KLHL1: variants seen among roughly 807,000 people sequenced by gnomAD.
The protein encoded by KLHL1 is kelch-like protein 1.
A neutral mutation model predicts 77.7 loss-of-function variants in KLHL1; 47 were observed. The ratio of observed to expected loss-of-function variants is 0.60; its 90% CI spans 0.48 to 0.77. KLHL1 has a LOEUF of 0.77. Ranked by LOEUF, KLHL1 falls within the 30% of genes least tolerant of loss-of-function variation. KLHL1 has a pLI of 0.00. For synonymous variants in KLHL1, 360 were observed against 325.2 expected, an observed-to-expected ratio of 1.11 and a Z score of -1.15; for missense variants, 925 against 910.8, an observed-to-expected ratio of 1.02 and a Z score of -0.20.
chr13:70,015,593 A>G (rs1885638044), intron 1 of KLHL1, among the ~76,000 whole-genome samples: 1 of 152,182 alleles, frequency 6.6e-6, no homozygotes, highest in Admixed American at 6.5e-5. Flanking sequence ...TTTTTATTAT[A>G]GTATTCAATA....
intron 6 of KLHL1, among the ~76,000 whole-genome samples, chr13:69,798,956 G>T (rs1448450365): frequency 2.0e-5 from 3 of 152,056 alleles, no homozygotes; most frequent in Non-Finnish European, 4.4e-5. Context: ...GGGCATGGTG[G>T]CTCATGCCTG....
At chr13:69,846,799 T>C (rs893509379) in intron 5 of KLHL1, among the ~76,000 whole-genome samples, 1 of 151,364 alleles carries the variant, frequency 6.6e-6, no homozygotes, top group Non-Finnish European at 1.5e-5. Flanking sequence ...GTGTGCACAC[T>C]CTTCAAATTG....
intron 4 of KLHL1, among the ~76,000 whole-genome samples, chr13:69,889,979 TC>T (rs771660867): frequency 2.6e-5 from 4 of 152,042 alleles, no homozygotes; most frequent in Admixed American, 1.3e-4. Context: ...GATTATTCAG[TC>T]ATTCAAGCAA....
At chr13:69,894,734 G>C (rs1234081856) in intron 4 of KLHL1, 1 of 213,102 alleles carries the variant, frequency 4.7e-6, no homozygotes, top group East Asian at 1.3e-4. Flanking sequence ...GATCTCCTTA[G>C]AGGACTTGAT....
chr13:69,798,767 A>C (rs1299889137), intron 6 of KLHL1, among the ~76,000 whole-genome samples: 1 of 152,104 alleles, frequency 6.6e-6, no homozygotes, highest in East Asian at 1.9e-4. Context: ...ATAACTAAAA[A>C]TTAAGAGTTA....
At chr13:69,975,053 C>T (rs1884503151) in intron 2 of KLHL1, among the ~76,000 whole-genome samples, 1 of 151,884 alleles carries the variant, frequency 6.6e-6, no homozygotes, top group African/African-American at 2.4e-5. Flanking sequence ...AGAAATACAG[C>T]CATGTTTTTC....
intron 5 of KLHL1, among the ~76,000 whole-genome samples, chr13:69,872,117 A>G (rs1880609478): frequency 6.6e-6 from 1 of 152,168 alleles, no homozygotes; most frequent in African/African-American, 2.4e-5. Flanking sequence ...TGAAGTCTGC[A>G]CAAAAAGCAT....
At chr13:69,774,588 C>G (rs537830947) in intron 7 of KLHL1, among the ~76,000 whole-genome samples, 9 of 152,022 alleles carry the variant, frequency 5.9e-5, no homozygotes, top group African/African-American at 2.2e-4. Flanking sequence ...ATGATTAAAT[C>G]ACAAGTGTGG....
At chr13:69,783,668 G>A (rs1467482428) in intron 7 of KLHL1, among the ~76,000 whole-genome samples, 1 of 137,654 alleles carries the variant, frequency 7.3e-6, no homozygotes, top group Non-Finnish European at 1.6e-5. Context: ...AAGAAATATG[G>A]GACTATGTGA....
chr13:69,853,061 T>C (rs1265046200), intron 5 of KLHL1, among the ~76,000 whole-genome samples: 1 of 151,986 alleles, frequency 6.6e-6, no homozygotes, highest in Non-Finnish European at 1.5e-5. Context: ...TATTAGGCTG[T>C]GCTGAGAAAA....
chr13:69,723,657 C>T (rs1349965026), intron 8 of KLHL1, among the ~76,000 whole-genome samples: 1 of 152,054 alleles, frequency 6.6e-6, no homozygotes, highest in African/African-American at 2.4e-5. Flanking sequence ...CATTAAACCC[C>T]TCCAGCATTA....
intron 6 of KLHL1, among the ~76,000 whole-genome samples, chr13:69,804,011 T>C (rs1877504137): frequency 6.6e-6 from 1 of 152,190 alleles, no homozygotes. Flanking sequence ...AGGTAATAGA[T>C]GGCAGTTGTT....
At chr13:69,879,645 T>C (rs1880908810) in intron 5 of KLHL1, among the ~76,000 whole-genome samples, 1 of 152,190 alleles carries the variant, frequency 6.6e-6, no homozygotes, top group Non-Finnish European at 1.5e-5. Flanking sequence ...GCTTTGAAAG[T>C]CCATGTGCAA....
At chr13:69,853,432 C>T (rs1879772153) in intron 5 of KLHL1, among the ~76,000 whole-genome samples, 1 of 151,998 alleles carries the variant, frequency 6.6e-6, no homozygotes, top group Non-Finnish European at 1.5e-5. Context: ...CCCAGCCATG[C>T]TGAACTGTGA....
At chr13:70,069,510 ACC>A (rs1887090701) in intron 1 of KLHL1, among the ~76,000 whole-genome samples, 1 of 152,218 alleles carries the variant, frequency 6.6e-6, no homozygotes, top group Non-Finnish European at 1.5e-5. Flanking sequence ...AAACATCATA[ACC>A]AGACTCAGAT....
At chr13:70,003,984 A>G (rs910211838) in intron 1 of KLHL1, among the ~76,000 whole-genome samples, 1 of 151,806 alleles carries the variant, frequency 6.6e-6, no homozygotes, top group African/African-American at 2.4e-5. Context: ...GTCAATGTAT[A>G]TTTGTATGAA....
intron 7 of KLHL1, among the ~76,000 whole-genome samples, chr13:69,755,078 A>G (rs1418382548): frequency 1.3e-5 from 2 of 152,012 alleles, no homozygotes; most frequent in East Asian, 1.9e-4. Flanking sequence ...GTGATTCCCA[A>G]TGTTGGAGGT....
At position 70,107,740 on chromosome 13, in the gene KLHL1, G is replaced by A. The variant is rs773878923; in HGVS notation, c.-41C>T. The stretch of plus-strand genomic sequence containing the variant: ...GGCAAAAGGCTGGCAGCTCACGCAG[G>A]AGTAGGCTGGTCAGCAGGTGGGGGA... On this transcript the variant is annotated 5_prime_UTR_variant, in exon 1 of 11. Transcript: ENST00000377844. 4 of 1,461,036 alleles carry A rather than the reference G, an allele frequency of 2.7e-6. No homozygotes were observed. Among genetic ancestry groups the A allele is most frequent in the East Asian group, 2.3e-5 (1 of 43,160 alleles). The allele number at this position is 1,461,036 out of a possible 1,614,324, so 90.5% of individuals were successfully genotyped here.
intron 3 of KLHL1, among the ~76,000 whole-genome samples, chr13:69,947,024 TGTGTTGTGTGTGTG>T (rs1883548891): frequency 8.5e-6 from 1 of 118,224 alleles, no homozygotes; most frequent in Non-Finnish European, 1.7e-5. Context: ...ATTGTGTGTG[TGTGTTGTGTGTGTG>T]TGTGTGTGTG....
Sources: allele counts gnomAD v4.1 joint callset (sites outside exome capture counted in the v4.1 genomes callset), GRCh38; gene constraint gnomAD v4.1.1; transcripts MANE v1.5; gene names NCBI Gene and HGNC (gene_info 2026-07-23, HGNC 2026-07-21).